Variants in MCM4 observed in about 807,000 individuals in gnomAD.
MCM4 encodes DNA replication licensing factor MCM4.
Under a neutral mutation model 88.7 loss-of-function variants are expected in MCM4, and 60 were observed. That is an observed-to-expected ratio of 0.68 (90% CI 0.55 to 0.84). MCM4 has a LOEUF of 0.84. Ranked by LOEUF, MCM4 falls within the 40% of genes least tolerant of loss-of-function variation. MCM4 has a pLI of 0.00. For missense variants in MCM4, 1,149 were observed against 1,105.5 expected (o/e 1.04, Z -0.56); for synonymous variants, 465 against 410.5 (o/e 1.13, Z -1.61).
chr8:47,976,164 G>A (rs550698685), intron 16 of MCM4, among the ~76,000 whole-genome samples: 15 of 152,028 alleles, frequency 9.9e-5, no homozygotes, highest in African/African-American at 3.6e-4. Context: ...GTGGTGATAA[G>A]CACCTGAAAT....
At chr8:47,961,337 C>G (rs17287548) in intron 2 of MCM4, 123 bp downstream of exon 2, 1 of 1,458,290 alleles carries the variant, frequency 6.9e-7, no homozygotes, top group Non-Finnish European at 9.0e-7. Flanking sequence ...TGGGCGCTGC[C>G]GCTTGGTGCG....
rs2090971267 is a variant in MCM4 at position 47,973,172 on chromosome 8, G to A, written c.2136+108G>A. 4 of 1,032,432 alleles carry A rather than the reference G, an allele frequency of 3.9e-6. No individual in the cohort carries two copies. The Admixed American group carries it at 9.2e-5, about 24-fold the overall frequency. 64.0% of individuals were successfully genotyped at this position (1,032,432 alleles called of 1,614,324 possible). On this transcript the variant is annotated intron_variant, in intron 14 of 16. Coordinates refer to ENST00000649973, the MANE Select transcript of MCM4 (RefSeq NM_182746.3). Reference sequence around the variant, plus strand: ...ATTATTTTGTTACGAATAACATACTGTTCTCTTCCTTGTTTTGAGACAGAG... The same window carrying A: ...ATTATTTTGTTACGAATAACATACTATTCTCTTCCTTGTTTTGAGACAGAG...
intron 8 of MCM4, among the ~76,000 whole-genome samples, chr8:47,965,237 T>G (rs2090888399): frequency 2.0e-5 from 3 of 151,914 alleles, no homozygotes; most frequent in African/African-American, 7.3e-5. Flanking sequence ...AAATTAGATT[T>G]TAAAGATTTG....
intron 8 of MCM4, among the ~76,000 whole-genome samples, chr8:47,965,086 G>A (rs1220576818): frequency 1.3e-5 from 2 of 152,058 alleles, no homozygotes; most frequent in Non-Finnish European, 2.9e-5. Flanking sequence ...GGTGGCACAC[G>A]CCTGTAGTCC....
Position 47,966,265 on chromosome 8 carries a change from T to G in MCM4, c.911T>G (p.Phe304Cys). The G allele has an allele frequency of 1.2e-6, 2 of 1,614,030 alleles. No homozygotes were observed. Among genetic ancestry groups the G allele is most frequent in the Non-Finnish European group, 1.7e-6 (2 of 1,180,008 alleles). ...QLIPEMQEAFFQCQVCAHTTR... is the reference protein window; with the variant it reads ...QLIPEMQEAFCQCQVCAHTTR... The stretch of plus-strand genomic sequence containing the variant: ...ATTCCCGAGATGCAGGAGGCCTTCT[T>G]CCAGTGCCAAGTGTGTGCCCACACG... Residue 304 changes from phenylalanine (F) to cysteine (C), a missense_variant, in exon 9 of 17, where the codon TTC (phenylalanine) becomes TGC (cysteine). Transcript: ENST00000649973.
rs577185177 is a variant in MCM4 at position 47,976,805 on chromosome 8, G to A, written c.*27G>A. 2.4e-5 allele frequency: 35 copies of A among 1,454,798 alleles called. No individual in the cohort carries two copies. The South Asian group carries it at 2.8e-4, about 12-fold the overall frequency. The allele number at this position is 1,454,798 out of a possible 1,614,324, so 90.1% of individuals were successfully genotyped here. On this transcript the variant is annotated 3_prime_UTR_variant, in exon 17 of 17. Coordinates refer to ENST00000649973, the MANE Select transcript of MCM4 (RefSeq NM_182746.3). ...GCCTTGTGAGCAAGGAAGGCTCCCT[G>A]CATGTCCTGCTTGCTGCACGCCACA...
At chr8:47,973,900 A>T (rs2090977984) in intron 14 of MCM4, 1 of 152,256 alleles carries the variant, frequency 6.6e-6, no homozygotes, top group Non-Finnish European at 1.5e-5. Flanking sequence ...CACACACTTT[A>T]TATGTTTAAG....
intron 13 of MCM4, 100 bp from the exon 14 acceptor site, chr8:47,972,757 G>A (rs756390850): frequency 4.4e-5 from 36 of 822,786 alleles, no homozygotes; most frequent in Admixed American, 3.8e-4. Context: ...AGGTTTCACC[G>A]TGTTGGCCAG....
In MCM4 at chr8:47,966,423, G is replaced by C; in HGVS notation, c.1053+16G>C. On this transcript the variant is annotated intron_variant, in intron 9 of 16. Transcript: ENST00000649973. Reference sequence around the variant, plus strand: ...CAAGCAGATGGTGCGCAGCCACCCTGGCCCCCCAGGCTATGCTTTGCCTGT... The same window carrying C: ...CAAGCAGATGGTGCGCAGCCACCCTCGCCCCCCAGGCTATGCTTTGCCTGT... 3 of 1,590,792 alleles carry C rather than the reference G, an allele frequency of 1.9e-6. No individual in the cohort carries two copies. The highest frequency in any genetic ancestry group is 2.6e-6 in the Non-Finnish European group (3 of 1,166,610).
chr8:47,961,083 A>C (rs1204973748), intron 1 of MCM4, 48 bp from the exon 2 acceptor site: 1 of 1,487,312 alleles, frequency 6.7e-7, no homozygotes, highest in African/African-American at 1.5e-5. Context: ...GGAGCAGGGC[A>C]GGGAAGCCGG....
chr8:47,974,857 G>C lies in MCM4; in HGVS notation c.2260G>C (p.Glu754Gln). 1 of 1,614,238 alleles carries C rather than the reference G, an allele frequency of 6.2e-7. No individual in the cohort carries two copies. Among genetic ancestry groups the C allele is most frequent in the South Asian group, 1.1e-5 (1 of 91,086 alleles). The stretch of plus-strand genomic sequence containing the variant: ...TAAAGTAAGATTGTCTAACAAAGTT[G>C]AAGCCATTGATGTGGAAGAGGCCAA... ...HAKVRLSNKV[E>Q]AIDVEEAKRL... The change falls in exon 15 of 17, where the codon GAA (glutamate) becomes CAA (glutamine). Residue 754 changes from glutamate (E) to glutamine (Q), a missense_variant. Around this residue, in one of 3 missense-constraint regions of MCM4, gnomAD observed 238 missense variants for 241.6 expected, o/e 0.99. Coordinates refer to ENST00000649973, the MANE Select transcript of MCM4 (RefSeq NM_182746.3).
intron 10 of MCM4, chr8:47,968,901 T>A (rs1305133774): frequency 6.6e-6 from 1 of 151,924 alleles, no homozygotes; most frequent in Non-Finnish European, 1.5e-5. Flanking sequence ...AATGCATGAT[T>A]TGCATGCTTT....
chr8:47,967,388 A>G lies in MCM4; in HGVS notation c.1077A>G (p.Glu359=). ...KQMIKLQESP[E]DMPAGQTPHT... ...AGATCAAGCTTCAGGAGTCTCCGGA[A>G]GACATGCCTGCAGGGCAGACACCAC... Residue 359 remains glutamate (E), a synonymous_variant, in exon 10 of 17, where the codon GAA becomes GAG. Transcript: ENST00000649973. The G allele has an allele frequency of 6.2e-7, 1 of 1,614,212 alleles. No individual in the cohort carries two copies. Among genetic ancestry groups the G allele is most frequent in the African/African-American group, 1.3e-5 (1 of 75,056 alleles).
chr8:47,972,795 G>C, intron 13 of MCM4, 62 bp from the exon 14 acceptor site: 1 of 1,369,534 alleles, frequency 7.3e-7, no homozygotes, highest in Non-Finnish European at 1.0e-6. Flanking sequence ...AACCTCAGGT[G>C]ATCCACCTGC....
In MCM4 at chr8:47,977,727, GA is replaced by G. The variant is rs2091013007; in HGVS notation, c.*950del. On this transcript the variant is annotated 3_prime_UTR_variant, in exon 17 of 17. Coordinates refer to ENST00000649973, the MANE Select transcript of MCM4 (RefSeq NM_182746.3). The stretch of plus-strand genomic sequence containing the variant: ...GCCCACCTCAACTTCCGGAAGTGCT[GA>G]GATTACAGGTGTGAGCCACTGCACC... 1 of 152,102 alleles carries G rather than the reference GA, an allele frequency of 6.6e-6. No homozygotes were observed. Among genetic ancestry groups the G allele is most frequent in the African/African-American group, 2.4e-5 (1 of 41,402 alleles). 9.4% of individuals were successfully genotyped at this position (152,102 alleles called of 1,614,324 possible). A position where few individuals can be genotyped will look rare whatever the true frequency, so the allele number is the denominator to read the frequency against.
intron 13 of MCM4, 32 bp downstream of exon 13, chr8:47,971,500 G>A (rs550020997): frequency 1.2e-6 from 2 of 1,609,088 alleles, no homozygotes; most frequent in African/African-American, 1.3e-5. Context: ...TTGTTCATTT[G>A]TAGAATATTC....
rs753839100 is a variant in MCM4, at chr8:47,970,832, G to A, written c.1756G>A (p.Val586Ile). 5 of 1,610,904 alleles carry A rather than the reference G, an allele frequency of 3.1e-6. No individual in the cohort carries two copies. The highest frequency in any genetic ancestry group is 2.7e-5 in the African/African-American group (2 of 75,004). ...CAAGATGAATGAAAGTACAAGATCG[G>A]TATTGCATGAAGTCATGGAACAGCA... ...FDKMNESTRS[V>I]LHEVMEQQTL... The change falls in exon 12 of 17, where the codon GTA (valine) becomes ATA (isoleucine). Residue 586 changes from valine to isoleucine, a missense_variant. Physicochemically the swap from Val to Ile is conservative, Grantham distance 29. This residue lies in a region of MCM4 where 906 missense variants were observed against 843.0 expected (regional missense o/e 1.07). Coordinates refer to ENST00000649973, the MANE Select transcript of MCM4 (RefSeq NM_182746.3).
At chr8:47,975,195 A>G in intron 15 of MCM4, 1 of 389,838 alleles carries the variant, frequency 2.6e-6, no homozygotes, top group Non-Finnish European at 4.6e-6. Context: ...TTTTTTTTTT[A>G]TACTTTAAGT....
intron 10 of MCM4, among the ~76,000 whole-genome samples, chr8:47,968,302 C>G (rs768452848): frequency 6.6e-6 from 1 of 152,232 alleles, no homozygotes; most frequent in Non-Finnish European, 1.5e-5. Flanking sequence ...CACCCTGTTT[C>G]TTCCCCAGTG....
Sources: gnomAD v4.1 joint callset for allele counts (sites outside exome capture counted in the v4.1 genomes callset) on GRCh38, gnomAD v4.1.1 for gene constraint, gnomAD v4.1.1 regional missense constraint, MANE v1.5 for transcripts, NCBI Gene and HGNC (gene_info 2026-07-23, HGNC 2026-07-21) for gene names.